GPR180: variants seen among roughly 807,000 people sequenced by gnomAD.
GPR180 encodes the protein G protein-coupled receptor 180.
GPR180 carries 53 observed loss-of-function variants against 52.6 expected under a neutral mutation model. The observed-to-expected ratio is 1.01, with a 90% confidence interval of 0.81 to 1.27. GPR180 has a LOEUF of 1.27. GPR180 is among the 50% of genes most tolerant of loss of function. The pLI, the probability that GPR180 is intolerant of heterozygous loss-of-function variation, is 0.00. For missense variants in GPR180, 533 were observed against 527.0 expected (o/e 1.01, Z -0.11); for synonymous variants, 200 against 193.1 (o/e 1.04, Z -0.30).
rs1350884476 is a variant in GPR180 at position 94,631,367 on chromosome 13, C to T, written c.*4196C>T. ...GCCTCCTATAATCCCTATAATAAGC[C>T]CCTTATTTTGAATATTAAGATATGT... On this transcript the variant is annotated 3_prime_UTR_variant, in exon 9 of 9. Transcript: ENST00000376958. The T allele has an allele frequency of 1.3e-5, 2 of 151,684 alleles. No individual in the cohort carries two copies. Among genetic ancestry groups the T allele is most frequent in the African/African-American group, 2.4e-5 (1 of 41,248 alleles). The allele number at this position is 151,684 out of a possible 1,614,324, so 9.4% of individuals were successfully genotyped here.
intron 7 of GPR180, 69 bp downstream of exon 7, chr13:94,623,369 TA>T: frequency 8.2e-7 from 1 of 1,217,234 alleles, no homozygotes; most frequent in Non-Finnish European, 1.2e-6. Flanking sequence ...GGGAAGTTAA[TA>T]AACAACTACA....
At chr13:94,621,953 A>G (rs1442667868) in intron 6 of GPR180, among the ~76,000 whole-genome samples, 1 of 152,214 alleles carries the variant, frequency 6.6e-6, no homozygotes, top group East Asian at 1.9e-4. Context: ...AATGAATTAT[A>G]TACTTAGGCT....
At chr13:94,618,419 G>GTTTTTTTTTTTTTTTTTTTTTTTTTTTT (rs1566980109) in intron 3 of GPR180, among the ~76,000 whole-genome samples, 1 of 72,976 alleles carries the variant, frequency 1.4e-5, no homozygotes. Flanking sequence ...ATCAGCACAG[G>GTTTTTTTTTTTTTTTTTTTTTTTTTTTT]ATTTTTTTTT....
chr13:94,617,365 A>C (rs1165976373), intron 3 of GPR180, among the ~76,000 whole-genome samples: 1 of 152,206 alleles, frequency 6.6e-6, no homozygotes, highest in Non-Finnish European at 1.5e-5. Flanking sequence ...AGTTGTTATA[A>C]TATATTTAGC....
At chr13:94,617,612 TC>T (rs1201149305) in intron 3 of GPR180, among the ~76,000 whole-genome samples, 1 of 152,178 alleles carries the variant, frequency 6.6e-6, no homozygotes, top group Non-Finnish European at 1.5e-5. Context: ...GCTGCTTTTT[TC>T]CCCCTAACGA....
In GPR180 at chr13:94,630,460, A is replaced by C. The variant is rs1889981087; in HGVS notation, c.*3289A>C. The C allele has an allele frequency of 6.6e-6, 1 of 152,260 alleles. No individual in the cohort carries two copies. The highest frequency in any genetic ancestry group is 2.4e-5 in the African/African-American group (1 of 41,466). The allele number at this position is 152,260 out of a possible 1,614,324, so 9.4% of individuals were successfully genotyped here. A position where few individuals can be genotyped will look rare whatever the true frequency, so the allele number is the denominator to read the frequency against. ...TTTTTGTAAGTTTGAAATTATTTCA[A>C]AAAGTTTAAAAATCATATAAATCAG... On this transcript the variant is annotated 3_prime_UTR_variant, in exon 9 of 9. Coordinates refer to ENST00000376958, the MANE Select transcript of GPR180 (RefSeq NM_180989.6).
chr13:94,611,503 G>A (rs1279344856), intron 2 of GPR180, among the ~76,000 whole-genome samples: 4 of 151,984 alleles, frequency 2.6e-5, no homozygotes, highest in African/African-American at 9.7e-5. Context: ...TTTTTTGAAT[G>A]TCATTAACCA....
chr13:94,622,655 C>A (rs1415285356), intron 6 of GPR180, among the ~76,000 whole-genome samples: 1 of 152,152 alleles, frequency 6.6e-6, no homozygotes, highest in African/African-American at 2.4e-5. Flanking sequence ...AAATCAGGAA[C>A]CTCCACCTCC....
At chr13:94,622,451 C>T (rs1480229076) in intron 6 of GPR180, among the ~76,000 whole-genome samples, 1 of 152,106 alleles carries the variant, frequency 6.6e-6, no homozygotes, top group Non-Finnish European at 1.5e-5. Flanking sequence ...TGATCTTCAA[C>T]AAGCCAGACA....
Position 94,632,955 on chromosome 13 carries a change from G to A in GPR180, c.*5784G>A, listed in dbSNP as rs1890018362. 6.6e-6 allele frequency: 1 copy of A among 152,166 alleles called. No individual in the cohort carries two copies. Among genetic ancestry groups the A allele is most frequent in the Admixed American group, 6.5e-5 (1 of 15,270 alleles). 9.4% of individuals were successfully genotyped at this position (152,166 alleles called of 1,614,324 possible). A position where few individuals can be genotyped will look rare whatever the true frequency, so the allele number is the denominator to read the frequency against. ...AACTTCCCTGGTTGGCAATACTCTG[G>A]TGTGTTCTAGGAGGGTGACATGTCC... is the stretch of plus-strand genomic sequence containing the variant. On this transcript the variant is annotated 3_prime_UTR_variant, in exon 9 of 9. Coordinates refer to ENST00000376958, the MANE Select transcript of GPR180 (RefSeq NM_180989.6).
In GPR180 at chr13:94,623,282, C is replaced by A. The variant is rs1045149549; in HGVS notation, c.1068C>A (p.Phe356Leu). 9 of 1,611,626 alleles carry A rather than the reference C, an allele frequency of 5.6e-6. No homozygotes were observed. The highest frequency in any genetic ancestry group is 7.6e-6 in the Non-Finnish European group (9 of 1,178,560). ...AGAGAAGTACACTCAAAAGGGAGTTCTACATCACATTTGCCAAAGTATGGG... is the reference window on the plus strand; with the variant it reads ...AGAGAAGTACACTCAAAAGGGAGTTATACATCACATTTGCCAAAGTATGGG... Reference protein sequence around the residue: ...TVERSTLKREFYITFAKGCIL... With the variant: ...TVERSTLKRELYITFAKGCIL... Residue 356 changes from phenylalanine (F) to leucine (L), a missense_variant, in exon 7 of 9, where the codon TTC (phenylalanine) becomes TTA (leucine). By Grantham distance (22) the Phe-to-Leu change is conservative. Coordinates refer to ENST00000376958, the MANE Select transcript of GPR180 (RefSeq NM_180989.6).
At chr13:94,624,459 C>T (rs1195925874) in intron 7 of GPR180, among the ~76,000 whole-genome samples, 9 of 152,306 alleles carry the variant, frequency 5.9e-5, no homozygotes, top group Admixed American at 5.9e-4. Context: ...AAGAAGATGT[C>T]ATCCTGCCTT....
chr13:94,614,522 C>T (rs1010804345), intron 3 of GPR180, among the ~76,000 whole-genome samples: 10 of 152,192 alleles, frequency 6.6e-5, no homozygotes, highest in Non-Finnish European at 1.3e-4. Context: ...TGCCCTGTGC[C>T]ATGCTTGGAC....
intron 3 of GPR180, among the ~76,000 whole-genome samples, chr13:94,616,282 GT>G (rs1889776981): frequency 2.0e-5 from 3 of 152,164 alleles, no homozygotes; most frequent in African/African-American, 7.2e-5. Context: ...AAAGGGTTAG[GT>G]TTACCTCCTA....
rs746796024 is a variant in GPR180 at position 94,602,073 on chromosome 13, G to T, written c.145+1G>T. The T allele has an allele frequency of 1.5e-6, 2 of 1,377,792 alleles. No homozygotes were observed. Among genetic ancestry groups the T allele is most frequent in the Admixed American group, 2.9e-5 (1 of 33,964 alleles). 85.3% of individuals were successfully genotyped at this position (1,377,792 alleles called of 1,614,324 possible). On this transcript the variant is annotated splice_donor_variant, in intron 1 of 8. Coordinates refer to ENST00000376958, the MANE Select transcript of GPR180 (RefSeq NM_180989.6). LOFTEE classifies it high-confidence loss of function. ...CGCATCGGCCACTTCGAGTTCCATG[G>T]TAGGTCTGGGGGCGGGGAGGGGGAT... is the stretch of plus-strand genomic sequence containing the variant.
rs369542453 is a variant in GPR180 at position 94,627,174 on chromosome 13, C to G, written c.*3C>G. 1.2e-6 allele frequency: 2 copies of G among 1,611,158 alleles called. No individual in the cohort carries two copies. Among genetic ancestry groups the G allele is most frequent in the Non-Finnish European group, 1.7e-6 (2 of 1,178,806 alleles). On this transcript the variant is annotated 3_prime_UTR_variant, in exon 9 of 9. Coordinates refer to ENST00000376958, the MANE Select transcript of GPR180 (RefSeq NM_180989.6). The stretch of plus-strand genomic sequence containing the variant: ...ACAAAAGTCGCCCTCATTTCTGATA[C>G]TTGATTTTTGTTGAGAGGAAAAGTG...
intron 3 of GPR180, among the ~76,000 whole-genome samples, chr13:94,614,688 C>A (rs1594474694): frequency 6.6e-6 from 1 of 152,244 alleles, no homozygotes; most frequent in East Asian, 1.9e-4. Flanking sequence ...CCTACCTTTT[C>A]CTGATTTTTG....
At chr13:94,606,013 C>T (rs1395732298) in intron 2 of GPR180, among the ~76,000 whole-genome samples, 1 of 152,146 alleles carries the variant, frequency 6.6e-6, no homozygotes, top group Non-Finnish European at 1.5e-5. Flanking sequence ...CTTTGACAGC[C>T]AGGTGCAGTG....
rs777210753 is a variant in GPR180 at position 94,627,179 on chromosome 13, T to C, written c.*8T>C. The C allele has an allele frequency of 6.2e-7, 1 of 1,610,892 alleles. No homozygotes were observed. Among genetic ancestry groups the C allele is most frequent in the South Asian group, 1.1e-5 (1 of 90,692 alleles). ...AGTCGCCCTCATTTCTGATACTTGATTTTTGTTGAGAGGAAAAGTGAATTG... is the reference window on the plus strand; with the variant it reads ...AGTCGCCCTCATTTCTGATACTTGACTTTTGTTGAGAGGAAAAGTGAATTG... On this transcript the variant is annotated 3_prime_UTR_variant, in exon 9 of 9. Coordinates refer to ENST00000376958, the MANE Select transcript of GPR180 (RefSeq NM_180989.6).
Sources: allele counts gnomAD v4.1 joint callset (sites outside exome capture counted in the v4.1 genomes callset), GRCh38; gene constraint gnomAD v4.1.1; transcripts MANE v1.5; gene names NCBI Gene and HGNC (gene_info 2026-07-23, HGNC 2026-07-21).